The following IL2RA variants were observed in gnomAD, a reference collection of about 807,000 sequenced individuals.
The protein encoded by IL2RA is interleukin-2 receptor subunit alpha.
In IL2RA, 24 loss-of-function variants were observed where a neutral mutation model predicts 37.8. The ratio of observed to expected loss-of-function variants is 0.63; its 90% CI spans 0.46 to 0.89. IL2RA has a LOEUF of 0.89. Ranked by LOEUF, IL2RA falls within the 40% of genes least tolerant of loss-of-function variation. IL2RA has a pLI of 0.00. For synonymous variants in IL2RA, 125 were observed against 114.6 expected (o/e 1.09, Z -0.58); for missense variants, 319 against 348.6 (o/e 0.92, Z 0.68).
Position 6,057,275 on chromosome 10 carries a change from A to G in IL2RA, c.64+4813T>C, listed in dbSNP as rs1273399110. Among the ~76,000 whole-genome samples the G allele has an allele frequency of 6.6e-6, 1 of 152,220 alleles. No homozygotes were observed. The highest frequency in any genetic ancestry group is 2.4e-5 in the African/African-American group (1 of 41,460). On this transcript the variant is annotated intron_variant, in intron 1 of 7. Coordinates refer to ENST00000379959, the MANE Select transcript of IL2RA (RefSeq NM_000417.3). This position sits in a 1 kb window ranked among gnomAD's most constrained non-coding sequence, Gnocchi z 4.8. ...TGACACCTGCAACTGCAGCAATTACAGAAGCAGTGGGTCATGCTGGCTGCC... is the reference window on the plus strand; with the variant it reads ...TGACACCTGCAACTGCAGCAATTACGGAAGCAGTGGGTCATGCTGGCTGCC...
chr10:6,053,628 A>G (rs1418059998), intron 1 of IL2RA, among the ~76,000 whole-genome samples: 1 of 152,176 alleles, frequency 6.6e-6, no homozygotes, highest in Non-Finnish European at 1.5e-5. Flanking sequence ...AAAGAAACCA[A>G]TGGCTTTCAC....
chr10:6,053,366 G>A (rs1374332158), intron 1 of IL2RA, among the ~76,000 whole-genome samples: 1 of 152,204 alleles, frequency 6.6e-6, no homozygotes, highest in African/African-American at 2.4e-5. Context: ...TACTATGTCT[G>A]AACATAATAC....
Position 6,021,740 on chromosome 10 carries a change from G to T in IL2RA, c.368-47C>A. On this transcript the variant is annotated intron_variant, in intron 3 of 7. Transcript: ENST00000379959. The surrounding 1 kb of genome is among the most constrained non-coding windows in gnomAD (Gnocchi z 4.9). ...CTGAAGGCAAGTTGGGGACAGCACCGCGAGTGAGTCCAGGTTGCCTCTTGC... is the reference window on the plus strand; with the variant it reads ...CTGAAGGCAAGTTGGGGACAGCACCTCGAGTGAGTCCAGGTTGCCTCTTGC... 1 of 1,518,066 alleles carries T rather than the reference G, an allele frequency of 6.6e-7. No individual in the cohort carries two copies. Among genetic ancestry groups the T allele is most frequent in the Non-Finnish European group, 9.1e-7 (1 of 1,094,050 alleles). The allele number at this position is 1,518,066 out of a possible 1,614,324, so 94.0% of individuals were successfully genotyped here.
chr10:6,021,435 G>A lies in IL2RA; in HGVS notation c.583+43C>T. The stretch of plus-strand genomic sequence containing the variant: ...GGGATTCCACTCTGGTCAGCCTGAT[G>A]GAGCAAAGCAACATTGTGGACCCCA... On this transcript the variant is annotated intron_variant, in intron 4 of 7. Coordinates refer to ENST00000379959, the MANE Select transcript of IL2RA (RefSeq NM_000417.3). This position sits in a 1 kb window ranked among gnomAD's most constrained non-coding sequence, Gnocchi z 4.9. The A allele has an allele frequency of 6.5e-7, 1 of 1,536,908 alleles. No homozygotes were observed. The highest frequency in any genetic ancestry group is 9.0e-7 in the Non-Finnish European group (1 of 1,111,290).
In IL2RA at chr10:6,047,684, T is replaced by C. The variant is rs927457827; in HGVS notation, c.64+14404A>G. Among the ~76,000 whole-genome samples the C allele has an allele frequency of 4.7e-5, 7 of 149,634 alleles. No individual in the cohort carries two copies. The highest frequency in any genetic ancestry group is 1.7e-4 in the African/African-American group (7 of 41,056). Reference sequence around the variant, plus strand: ...ATATAAATATATAATAAATGAAATATATAAAATACCATCTTAGCTTATGAA... The same window carrying C: ...ATATAAATATATAATAAATGAAATACATAAAATACCATCTTAGCTTATGAA... On this transcript the variant is annotated intron_variant, in intron 1 of 7. Coordinates refer to ENST00000379959, the MANE Select transcript of IL2RA (RefSeq NM_000417.3). This position sits in a 1 kb window ranked among gnomAD's most constrained non-coding sequence, Gnocchi z 5.0.
rs1839660896 is a variant in IL2RA, at chr10:6,035,178, C to A, written c.65-9153G>T. ...CTGCCCAGCACCTACTCCCACCAGG[C>A]AACTGAGTGGTATTTAGTCTGCAAG... On this transcript the variant is annotated intron_variant, in intron 1 of 7. Transcript: ENST00000379959. This position sits in a 1 kb window ranked among gnomAD's most constrained non-coding sequence, Gnocchi z 5.4. 6.6e-6 allele frequency among the ~76,000 whole-genome samples: 1 copy of A among 152,332 alleles called. No homozygotes were observed. Among genetic ancestry groups the A allele is most frequent in the East Asian group, 1.9e-4 (1 of 5,182 alleles).
rs879772625 is a variant in IL2RA, at chr10:6,025,562, A to T, written c.256+272T>A. Among the ~76,000 whole-genome samples the T allele has an allele frequency of 8.5e-5, 13 of 152,156 alleles. No individual in the cohort carries two copies. Among genetic ancestry groups the T allele is most frequent in the Admixed American group, 4.6e-4 (7 of 15,264 alleles). On this transcript the variant is annotated intron_variant, in intron 2 of 7. Transcript: ENST00000379959. The surrounding 1 kb of genome is among the most constrained non-coding windows in gnomAD (Gnocchi z 4.4). ...TCCCAGCTACTCAGGAGGCTGAGGC[A>T]GGAGAATCACTTGAAGCCAGGAGGC...
chr10:6,062,018 G>T, intron 1 of IL2RA, 70 bp downstream of exon 1: 1 of 1,282,954 alleles, frequency 7.8e-7, no homozygotes, highest in Non-Finnish European at 1.1e-6. Context: ...GACTCCCTCT[G>T]GTTCTGTGGC....
In IL2RA at chr10:6,028,393, A is replaced by T. The variant is rs1839517746; in HGVS notation, c.65-2368T>A. On this transcript the variant is annotated intron_variant, in intron 1 of 7. Coordinates refer to ENST00000379959, the MANE Select transcript of IL2RA (RefSeq NM_000417.3). This position sits in a 1 kb window ranked among gnomAD's most constrained non-coding sequence, Gnocchi z 4.1. ...TATGCTAAGTTTTATTTATAAAAAC[A>T]GGTGTCTGAGCTGTGGGTTGTAGTT... 6.6e-6 allele frequency among the ~76,000 whole-genome samples: 1 copy of T among 152,254 alleles called. No individual in the cohort carries two copies. The highest frequency in any genetic ancestry group is 1.5e-5 in the Non-Finnish European group (1 of 68,048).
At position 6,021,054 on chromosome 10, in the gene IL2RA, G is replaced by A. The variant is rs546209917; in HGVS notation, c.583+424C>T. Reference sequence around the variant, plus strand: ...CAAGGGGAAGGAACATGCTGACCGTGGAGGGCTGTTCAGATCATGCATTTA... The same window carrying A: ...CAAGGGGAAGGAACATGCTGACCGTAGAGGGCTGTTCAGATCATGCATTTA... On this transcript the variant is annotated intron_variant, in intron 4 of 7. Coordinates refer to ENST00000379959, the MANE Select transcript of IL2RA (RefSeq NM_000417.3). This position sits in a 1 kb window ranked among gnomAD's most constrained non-coding sequence, Gnocchi z 4.9. Among the ~76,000 whole-genome samples, 97 of 152,206 alleles carry A rather than the reference G, an allele frequency of 6.4e-4. No homozygotes were observed. Among genetic ancestry groups the A allele is most frequent in the Admixed American group, 1.0e-3 (16 of 15,284 alleles).
At position 6,036,614 on chromosome 10, in the gene IL2RA, C is replaced by T. The variant is rs547536295; in HGVS notation, c.65-10589G>A. On this transcript the variant is annotated intron_variant, in intron 1 of 7. Transcript: ENST00000379959. The surrounding 1 kb of genome is among the most constrained non-coding windows in gnomAD (Gnocchi z 6.1). The stretch of plus-strand genomic sequence containing the variant: ...CGTGGAATTATGAGCCCTCTTTCTT[C>T]GATTTTGCCACATACCCGCAGCTGC... Among the ~76,000 whole-genome samples, 39 of 152,320 alleles carry T rather than the reference C, an allele frequency of 2.6e-4. No individual in the cohort carries two copies. The highest frequency in any genetic ancestry group is 6.5e-4 in the African/African-American group (27 of 41,570).
chr10:6,022,765 C>T lies in IL2RA; in HGVS notation c.368-1072G>A, dbSNP rs2132855314. Reference sequence around the variant, plus strand: ...GTTTGCTTCTTTCCAATGAAAACACCCAAACTGAGACAATCTTTGAAACAT... The same window carrying T: ...GTTTGCTTCTTTCCAATGAAAACACTCAAACTGAGACAATCTTTGAAACAT... On this transcript the variant is annotated intron_variant, in intron 3 of 7. Coordinates refer to ENST00000379959, the MANE Select transcript of IL2RA (RefSeq NM_000417.3). This position sits in a 1 kb window ranked among gnomAD's most constrained non-coding sequence, Gnocchi z 4.7. Among the ~76,000 whole-genome samples the T allele has an allele frequency of 1.3e-5, 2 of 150,202 alleles. No homozygotes were observed. Among genetic ancestry groups the T allele is most frequent in the African/African-American group, 4.8e-5 (2 of 41,290 alleles).
At chr10:6,013,390 A>C (rs531133651) in intron 7 of IL2RA, among the ~76,000 whole-genome samples, 22 of 152,346 alleles carry the variant, frequency 1.4e-4, no homozygotes, top group African/African-American at 5.3e-4. Flanking sequence ...AAATACACTT[A>C]AGTATCCACA....
In IL2RA at chr10:6,057,849, G is replaced by A. The variant is rs993561986; in HGVS notation, c.64+4239C>T. ...AACAAAAAAGTCACAAAGAGGACTG[G>A]GTGCGGTGGCTCATGCCTGTAATCC... On this transcript the variant is annotated intron_variant, in intron 1 of 7. Coordinates refer to ENST00000379959, the MANE Select transcript of IL2RA (RefSeq NM_000417.3). This position sits in a 1 kb window ranked among gnomAD's most constrained non-coding sequence, Gnocchi z 4.8. Among the ~76,000 whole-genome samples, 5 of 152,194 alleles carry A rather than the reference G, an allele frequency of 3.3e-5. No homozygotes were observed. The highest frequency in any genetic ancestry group is 1.3e-4 in the Admixed American group (2 of 15,276).
Position 6,021,716 on chromosome 10 carries a change from T to G in IL2RA, c.368-23A>C. The stretch of plus-strand genomic sequence containing the variant: ...GACCTGGAAGATGGAAGGAATGCTC[T>G]GAAGGCAAGTTGGGGACAGCACCGC... On this transcript the variant is annotated intron_variant, in intron 3 of 7. Coordinates refer to ENST00000379959, the MANE Select transcript of IL2RA (RefSeq NM_000417.3). The surrounding 1 kb of genome is among the most constrained non-coding windows in gnomAD (Gnocchi z 4.9). 1 of 1,608,032 alleles carries G rather than the reference T, an allele frequency of 6.2e-7. No individual in the cohort carries two copies. The highest frequency in any genetic ancestry group is 8.5e-7 in the Non-Finnish European group (1 of 1,174,688).
At chr10:6,043,510 C>A (rs561246170) in intron 1 of IL2RA, among the ~76,000 whole-genome samples, 50 of 152,272 alleles carry the variant, frequency 3.3e-4, no homozygotes, top group African/African-American at 1.2e-3. Flanking sequence ...GAGATCTGGG[C>A]TCACTGCAAC....
At chr10:6,037,637 G>C (rs1376502925) in intron 1 of IL2RA, among the ~76,000 whole-genome samples, 1 of 152,186 alleles carries the variant, frequency 6.6e-6, no homozygotes, top group Admixed American at 6.5e-5. Flanking sequence ...GCTCTAACGC[G>C]GTTCATCTTC....
Position 6,062,197 on chromosome 10 carries a change from T to C in IL2RA, c.-46A>G, listed in dbSNP as rs75830636. On this transcript the variant is annotated 5_prime_UTR_variant, in exon 1 of 8. Coordinates refer to ENST00000379959, the MANE Select transcript of IL2RA (RefSeq NM_000417.3). ...GCCGGGGCAGTGAAGCGGAGGTCTT[T>C]CTCTGCAGAAGGCCCAGTTGCCGTC... The C allele has an allele frequency of 5.8e-6, 9 of 1,546,198 alleles. No homozygotes were observed. In the African/African-American group the frequency reaches 1.2e-4, roughly 21 times the overall value.
chr10:6,018,396 C>T lies in IL2RA; in HGVS notation c.728-277G>A, dbSNP rs1371592154. Among the ~76,000 whole-genome samples the T allele has an allele frequency of 2.0e-5, 3 of 151,366 alleles. No individual in the cohort carries two copies. The highest frequency in any genetic ancestry group is 6.6e-5 in the Admixed American group (1 of 15,194). ...TCAGAAAGGCTCAGAGGCCAGGCCT[C>T]GTTTAAGGACACCGAGAGCGCCTGG... On this transcript the variant is annotated intron_variant, in intron 6 of 7. Coordinates refer to ENST00000379959, the MANE Select transcript of IL2RA (RefSeq NM_000417.3). The surrounding 1 kb of genome is among the most constrained non-coding windows in gnomAD (Gnocchi z 5.1).
Sources: allele counts gnomAD v4.1 joint callset (sites outside exome capture counted in the v4.1 genomes callset), GRCh38; gene constraint gnomAD v4.1.1; non-coding constraint Gnocchi (gnomAD v3.1); transcripts MANE v1.5; gene names NCBI Gene and HGNC (gene_info 2026-07-23, HGNC 2026-07-21).